Variants in DCAF12 observed in about 807,000 individuals in gnomAD.
The protein encoded by DCAF12 is DDB1 and CUL4 associated factor 12.
In DCAF12, 28 loss-of-function variants were observed where a neutral mutation model predicts 52.8. The ratio of observed to expected loss-of-function variants is 0.53; its 90% CI spans 0.39 to 0.73. The LOEUF (loss-of-function observed/expected upper bound fraction) is 0.73, where lower values mean the gene tolerates loss of function less well. Ranked by LOEUF, DCAF12 falls within the 30% of genes least tolerant of loss-of-function variation. The probability of loss-of-function intolerance (pLI) is 0.00; values close to 1 mark genes in which losing one functional copy is unlikely to be tolerated. For missense variants in DCAF12, 425 were observed against 552.2 expected (o/e 0.77, Z 2.31); for synonymous variants, 196 against 215.5 (o/e 0.91, Z 0.79).
At position 34,093,395 on chromosome 9, in the gene DCAF12, A is replaced by G. The variant is rs1198386345; in HGVS notation, c.915T>C (p.Gly305=). The change falls in exon 7 of 9, where the codon GGT becomes GGC. Residue 305 remains glycine, a synonymous_variant. Transcript: ENST00000361264. ...CCACTGCATAAACTGACCATTCACT[A>G]CCATAAGCCAGACACACATTCTCAC... ...YCRENVCLAY[G]SEWSVYAVGS... is the part of the protein sequence containing the mutation. The G allele has an allele frequency of 1.9e-6, 3 of 1,614,066 alleles. No homozygotes were observed. The Admixed American group carries it at 5.0e-5, about 27-fold the overall frequency.
At chr9:34,122,025 C>T (rs1039859206) in intron 2 of DCAF12, among the ~76,000 whole-genome samples, 3 of 152,134 alleles carry the variant, frequency 2.0e-5, no homozygotes, top group African/African-American at 7.2e-5. Flanking sequence ...TTCCTGAGTT[C>T]CCTGCTCCCC....
At chr9:34,094,734 G>T (rs1455365026) in intron 6 of DCAF12, among the ~76,000 whole-genome samples, 1 of 151,774 alleles carries the variant, frequency 6.6e-6, no homozygotes, top group South Asian at 2.1e-4. Context: ...GTTTCACCAT[G>T]TTAGCCAGGA....
At chr9:34,097,231 G>A (rs993696242) in intron 5 of DCAF12, among the ~76,000 whole-genome samples, 1 of 150,472 alleles carries the variant, frequency 6.6e-6, no homozygotes, top group Non-Finnish European at 1.5e-5. Context: ...CCTTTCTCTG[G>A]CTCTGGGTGT....
intron 2 of DCAF12, among the ~76,000 whole-genome samples, chr9:34,117,131 A>G (rs537206755): frequency 1.3e-5 from 2 of 152,304 alleles, no homozygotes; most frequent in Admixed American, 6.5e-5. Context: ...TTGAATTCTG[A>G]TGTTTCGCCA....
chr9:34,108,710 G>A (rs376906522), intron 2 of DCAF12, among the ~76,000 whole-genome samples: 12 of 151,382 alleles, frequency 7.9e-5, no homozygotes, highest in African/African-American at 2.7e-4. Context: ...CGCTTGAACC[G>A]AGGAGGCGGA....
At chr9:34,115,004 G>A (rs946832597) in intron 2 of DCAF12, among the ~76,000 whole-genome samples, 6 of 151,986 alleles carry the variant, frequency 3.9e-5, no homozygotes, top group African/African-American at 1.4e-4. Flanking sequence ...AAAGAGGAAG[G>A]GGTAACCTTA....
intron 2 of DCAF12, among the ~76,000 whole-genome samples, chr9:34,108,877 G>A (rs1345238628): frequency 6.7e-6 from 1 of 149,026 alleles, no homozygotes; most frequent in Non-Finnish European, 1.5e-5. Flanking sequence ...CAACTACTTA[G>A]CTACTCAGGA....
At chr9:34,115,960 T>G (rs950867735) in intron 2 of DCAF12, among the ~76,000 whole-genome samples, 4 of 152,204 alleles carry the variant, frequency 2.6e-5, no homozygotes, top group Non-Finnish European at 4.4e-5. Flanking sequence ...TATTGAACAT[T>G]TATGCCACGT....
chr9:34,108,326 C>T (rs4879743), intron 2 of DCAF12, among the ~76,000 whole-genome samples: 46,414 of 152,006 alleles, frequency 0.31, 7,560 homozygotes, highest in Non-Finnish European at 0.36. Context: ...CAGCTATGAA[C>T]GAGAGAAATA....
At chr9:34,109,880 C>A (rs60279027) in intron 2 of DCAF12, 81,529 of 253,322 alleles carry the variant, frequency 0.32, 13,595 homozygotes, top group Non-Finnish European at 0.37. Context: ...AAGGTCTCGT[C>A]TGTGTTTTCT....
chr9:34,125,586 G>A (rs757400995), intron 1 of DCAF12: 20 of 499,022 alleles, frequency 4.0e-5, no homozygotes, highest in African/African-American at 1.6e-4. Context: ...GGAAATGAGA[G>A]GTAGAGTGAT....
At chr9:34,089,695 C>T (rs1828614957) in intron 7 of DCAF12, 105 bp from the exon 8 acceptor site, 14 of 1,081,528 alleles carry the variant, frequency 1.3e-5, no homozygotes, top group Admixed American at 5.7e-5. Context: ...CCACCCTGCT[C>T]CCCTCCACCC....
intron 4 of DCAF12, among the ~76,000 whole-genome samples, chr9:34,099,780 G>C (rs1342996607): frequency 1.3e-5 from 2 of 151,556 alleles, no homozygotes; most frequent in East Asian, 3.9e-4. Context: ...TTTTAGTAGA[G>C]ACGGCGTTTC....
chr9:34,104,918 CAA>C (rs56012187), intron 4 of DCAF12, among the ~76,000 whole-genome samples: 5 of 126,274 alleles, frequency 4.0e-5, no homozygotes, highest in Admixed American at 8.3e-5. Context: ...ACTCCGTCTC[CAA>C]AAAAAAAAAA....
At chr9:34,103,822 C>T (rs1286808184) in intron 4 of DCAF12, among the ~76,000 whole-genome samples, 1 of 152,130 alleles carries the variant, frequency 6.6e-6, no homozygotes, top group South Asian at 2.1e-4. Flanking sequence ...GCCTACATAA[C>T]AGAGTGAGAC....
Position 34,125,284 on chromosome 9 carries a change from A to C in DCAF12, c.79-7T>G. 2 of 1,613,524 alleles carry C rather than the reference A, an allele frequency of 1.2e-6. No homozygotes were observed. The highest frequency in any genetic ancestry group is 1.7e-6 in the Non-Finnish European group (2 of 1,179,752). On this transcript the variant is annotated splice_polypyrimidine_tract_variant and splice_region_variant and intron_variant, in intron 1 of 8. Transcript: ENST00000361264. ...GCGAGTGATCCCAGCCAAACTGTGG[A>C]AACAACATTAGAAATCAGGGCTTTG... is the stretch of plus-strand genomic sequence containing the variant.
chr9:34,098,120 G>T (rs1039282123), intron 5 of DCAF12, among the ~76,000 whole-genome samples: 1 of 152,134 alleles, frequency 6.6e-6, no homozygotes, highest in African/African-American at 2.4e-5. Flanking sequence ...ACTACTCAGA[G>T]AAATACTGCA....
At chr9:34,088,857 C>T (rs1032214750) in intron 8 of DCAF12, among the ~76,000 whole-genome samples, 9 of 152,082 alleles carry the variant, frequency 5.9e-5, no homozygotes, top group African/African-American at 1.7e-4. Flanking sequence ...TGGCTGTAAT[C>T]CCAGAATTTT....
At chr9:34,119,645 G>A (rs768543997) in intron 2 of DCAF12, among the ~76,000 whole-genome samples, 1 of 151,048 alleles carries the variant, frequency 6.6e-6, no homozygotes, top group Non-Finnish European at 1.5e-5. Flanking sequence ...AACATTTTAG[G>A]CAAAAGGGTA....
Sources: gnomAD v4.1 joint callset for allele counts (sites outside exome capture counted in the v4.1 genomes callset) on GRCh38, gnomAD v4.1.1 for gene constraint, MANE v1.5 for transcripts, NCBI Gene and HGNC (gene_info 2026-07-23, HGNC 2026-07-21) for gene names.